FBXW7: variants seen among roughly 807,000 people sequenced by gnomAD.
FBXW7 encodes F-box and WD repeat domain containing 7, also known as F-box/WD repeat-containing protein 7.
In FBXW7, 11 loss-of-function variants were observed where a neutral mutation model predicts 86.3. The observed-to-expected ratio is 0.13, with a 90% confidence interval of 0.08 to 0.21. The LOEUF (loss-of-function observed/expected upper bound fraction) is 0.21, where lower values mean the gene tolerates loss of function less well. Among genes scored for constraint, FBXW7 ranks in the 10% least tolerant of loss-of-function variants. The pLI is 1.00. For synonymous variants in FBXW7, 313 were observed against 297.9 expected, an observed-to-expected ratio of 1.05 and a Z score of -0.52; for missense variants, 488 against 847.4, an observed-to-expected ratio of 0.58 and a Z score of 5.27.
chr4:152,485,974 C>T (rs369748440), intron 2 of FBXW7, among the ~76,000 whole-genome samples: 4 of 152,296 alleles, frequency 2.6e-5, no homozygotes, highest in African/African-American at 4.8e-5. Context: ...AGTGTATTTA[C>T]ACAAGCCTAC....
chr4:152,357,039 C>A (rs1259052701), intron 4 of FBXW7, among the ~76,000 whole-genome samples: 1 of 152,082 alleles, frequency 6.6e-6, no homozygotes, highest in African/African-American at 2.4e-5. Flanking sequence ...GAAATTAGTT[C>A]TAAAAAATTT....
intron 4 of FBXW7, among the ~76,000 whole-genome samples, chr4:152,400,499 G>C (rs1019345579): frequency 6.6e-6 from 1 of 151,648 alleles, no homozygotes; most frequent in African/African-American, 2.4e-5. Flanking sequence ...GCACCACCAT[G>C]CCTGGCTAAT....
chr4:152,419,494 A>AAAACACACACACACACACACACAC (rs370794631), intron 2 of FBXW7, among the ~76,000 whole-genome samples: 2 of 123,264 alleles, frequency 1.6e-5, no homozygotes, highest in East Asian at 2.4e-4. Context: ...GGATAAGGTA[A>AAAACACACACACACACACACACAC]ACACACACAC....
At chr4:152,444,279 C>A (rs1741172678) in intron 2 of FBXW7, among the ~76,000 whole-genome samples, 1 of 151,602 alleles carries the variant, frequency 6.6e-6, no homozygotes, top group Non-Finnish European at 1.5e-5. Flanking sequence ...CAAAATCTTC[C>A]CCATATAACA....
intron 4 of FBXW7, among the ~76,000 whole-genome samples, chr4:152,365,204 T>C (rs1341662418): frequency 6.6e-6 from 1 of 151,778 alleles, no homozygotes; most frequent in Non-Finnish European, 1.5e-5. Context: ...TGAACAGAGG[T>C]AGGATGGCAG....
chr4:152,345,423 T>C (rs1560784242), intron 6 of FBXW7, among the ~76,000 whole-genome samples: 1 of 152,092 alleles, frequency 6.6e-6, no homozygotes, highest in Non-Finnish European at 1.5e-5. Context: ...TTAATAACAA[T>C]AAAATCTAAC....
At chr4:152,363,600 C>T (rs1206577630) in intron 4 of FBXW7, among the ~76,000 whole-genome samples, 1 of 152,104 alleles carries the variant, frequency 6.6e-6, no homozygotes, top group Non-Finnish European at 1.5e-5. Context: ...TCTTTCAGTG[C>T]CCACTATCAA....
At chr4:152,378,840 C>T (rs1185141451) in intron 4 of FBXW7, among the ~76,000 whole-genome samples, 1 of 152,000 alleles carries the variant, frequency 6.6e-6, no homozygotes, top group East Asian at 1.9e-4. Context: ...AACCCCATCT[C>T]TACAAAAATA....
At chr4:152,448,807 T>A (rs139696455) in intron 2 of FBXW7, among the ~76,000 whole-genome samples, 1 of 152,344 alleles carries the variant, frequency 6.6e-6, no homozygotes, top group East Asian at 1.9e-4. Flanking sequence ...TCCCAGCTAC[T>A]CTTTAGAAAG....
intron 2 of FBXW7, among the ~76,000 whole-genome samples, chr4:152,476,593 C>T (rs1054798042): frequency 6.6e-6 from 1 of 152,132 alleles, no homozygotes; most frequent in African/African-American, 2.4e-5. Context: ...AGAAAGAACT[C>T]TCAAACTCAA....
At chr4:152,529,718 G>A (rs1422493979) in intron 2 of FBXW7, among the ~76,000 whole-genome samples, 1 of 152,048 alleles carries the variant, frequency 6.6e-6, no homozygotes, top group Non-Finnish European at 1.5e-5. Context: ...TGCAATCCCA[G>A]CACTGAGGGA....
chr4:152,405,065 C>T (rs1004640623), intron 4 of FBXW7, among the ~76,000 whole-genome samples: 1 of 129,426 alleles, frequency 7.7e-6, no homozygotes, highest in African/African-American at 2.9e-5. Context: ...GCACTCCATC[C>T]AGCCTGGGCA....
rs190443327 is a variant in FBXW7, at chr4:152,370,632, T to C, written c.502-20508A>G. ...TTTTAGCATTATCTACACTTGGAGG[T>C]GCTACTTTCAATGGCCACTTTCAAC... On this transcript the variant is annotated intron_variant, in intron 4 of 13. Coordinates refer to ENST00000281708, the MANE Select transcript of FBXW7 (RefSeq NM_001349798.2). 3.3e-5 allele frequency among the ~76,000 whole-genome samples: 5 copies of C among 152,022 alleles called. No individual in the cohort carries two copies. In the East Asian group the frequency reaches 9.7e-4, roughly 29 times the overall value.
chr4:152,411,205 T>A (rs1410461030), intron 4 of FBXW7, 98 bp downstream of exon 4: 1 of 1,383,646 alleles, frequency 7.2e-7, no homozygotes, highest in Admixed American at 2.8e-5. Flanking sequence ...CATCTTAAGA[T>A]TAATTTTTAG....
intron 2 of FBXW7, among the ~76,000 whole-genome samples, chr4:152,433,066 T>C (rs1740058420): frequency 6.6e-6 from 1 of 152,236 alleles, no homozygotes; most frequent in East Asian, 1.9e-4. Flanking sequence ...CAGAAATCCA[T>C]TCTTTTCTGT....
chr4:152,527,489 C>G (rs1021976222), intron 2 of FBXW7, among the ~76,000 whole-genome samples: 1 of 152,272 alleles, frequency 6.6e-6, no homozygotes, highest in Non-Finnish European at 1.5e-5. Context: ...ACACTCTGAC[C>G]GGGCACTGTG....
intron 4 of FBXW7, among the ~76,000 whole-genome samples, chr4:152,380,171 G>A (rs957688578): frequency 5.9e-5 from 9 of 152,148 alleles, no homozygotes; most frequent in Non-Finnish European, 8.8e-5. Context: ...ATAGCAATCT[G>A]CTTGAAAGAA....
intron 2 of FBXW7, among the ~76,000 whole-genome samples, chr4:152,430,843 AAT>A: frequency 6.6e-6 from 1 of 152,332 alleles, no homozygotes; most frequent in East Asian, 1.9e-4. Context: ...CTTTAAAATT[AAT>A]ATGTTTACAG....
chr4:152,379,973 T>C (rs191304618), intron 4 of FBXW7, among the ~76,000 whole-genome samples: 3 of 152,324 alleles, frequency 2.0e-5, no homozygotes, highest in African/African-American at 4.8e-5. Context: ...TGTGCAAACA[T>C]TAACTTGACT....
Sources: gnomAD v4.1 joint callset for allele counts (sites outside exome capture counted in the v4.1 genomes callset) on GRCh38, gnomAD v4.1.1 for gene constraint, MANE v1.5 for transcripts, NCBI Gene and HGNC (gene_info 2026-07-23, HGNC 2026-07-21) for gene names.